The following ARHGAP15 variants were observed in gnomAD, a reference collection of about 807,000 sequenced individuals.
The protein encoded by ARHGAP15 is rho GTPase-activating protein 15.
ARHGAP15 carries 51 observed loss-of-function variants against 63.7 expected under a neutral mutation model. The ratio of observed to expected loss-of-function variants is 0.80; its 90% CI spans 0.64 to 1.01. The LOEUF is 1.01. Ranked by LOEUF, ARHGAP15 falls within the 50% of genes least tolerant of loss-of-function variation. The probability of loss-of-function intolerance (pLI) is 0.00; values close to 1 mark genes in which losing one functional copy is unlikely to be tolerated. For missense variants in ARHGAP15, 560 were observed against 564.6 expected, an observed-to-expected ratio of 0.99 and a Z score of 0.08; for synonymous variants, 191 against 193.8, an observed-to-expected ratio of 0.99 and a Z score of 0.12.
chr2:143,291,152 T>A (rs1184071124), intron 6 of ARHGAP15, among the ~76,000 whole-genome samples: 2 of 152,118 alleles, frequency 1.3e-5, no homozygotes, highest in African/African-American at 4.8e-5. Flanking sequence ...AAAGTCCAGG[T>A]GATTTAACCC....
chr2:143,384,652 C>G (rs1687196262), intron 6 of ARHGAP15, among the ~76,000 whole-genome samples: 1 of 151,886 alleles, frequency 6.6e-6, no homozygotes, highest in South Asian at 2.1e-4. Flanking sequence ...TTTGGATATT[C>G]AAAATAGCTG....
chr2:143,135,666 A>C (rs1006704311), intron 1 of ARHGAP15, among the ~76,000 whole-genome samples: 3 of 152,100 alleles, frequency 2.0e-5, no homozygotes, highest in Non-Finnish European at 4.4e-5. Context: ...ATTTGATGCT[A>C]TCGAACCCTC....
At chr2:143,520,917 G>A (rs1355602229) in intron 10 of ARHGAP15, among the ~76,000 whole-genome samples, 2 of 152,090 alleles carry the variant, frequency 1.3e-5, no homozygotes, top group Non-Finnish European at 2.9e-5. Flanking sequence ...TAGGCAAAAC[G>A]AAAAACTGCT....
At chr2:143,375,940 A>G (rs2381466) in intron 6 of ARHGAP15, among the ~76,000 whole-genome samples, 98,750 of 152,142 alleles carry the variant, frequency 0.65, 32,539 homozygotes, top group African/African-American at 0.75. Context: ...GAAAAAGTAG[A>G]AAATGACAAC....
chr2:143,208,983 A>T (rs1177375686), intron 3 of ARHGAP15, among the ~76,000 whole-genome samples: 1 of 152,158 alleles, frequency 6.6e-6, no homozygotes, highest in East Asian at 1.9e-4. Context: ...GGGGCAAAGC[A>T]GGCTTTTGCA....
intron 9 of ARHGAP15, among the ~76,000 whole-genome samples, chr2:143,492,351 A>G (rs555098654): frequency 1.3e-5 from 2 of 152,114 alleles, no homozygotes; most frequent in Non-Finnish European, 2.9e-5. Context: ...ATTTACAGCC[A>G]CCTTCTCCTC....
At chr2:143,519,831 G>A (rs975593484) in intron 10 of ARHGAP15, among the ~76,000 whole-genome samples, 2 of 152,128 alleles carry the variant, frequency 1.3e-5, no homozygotes, top group African/African-American at 4.8e-5. Flanking sequence ...ACGCTAACGG[G>A]TTTTTTCAGG....
intron 8 of ARHGAP15, among the ~76,000 whole-genome samples, chr2:143,453,689 A>G (rs1251627677): frequency 1.3e-5 from 2 of 151,920 alleles, no homozygotes; most frequent in African/African-American, 4.8e-5. Flanking sequence ...TTCCTGAACC[A>G]TGAGTCTGTT....
intron 5 of ARHGAP15, among the ~76,000 whole-genome samples, chr2:143,240,199 T>A (rs934948682): frequency 2.0e-4 from 30 of 151,068 alleles, no homozygotes; most frequent in Non-Finnish European, 3.1e-4. Flanking sequence ...CAAAATAAAA[T>A]AAAATAAAAT....
intron 13 of ARHGAP15, among the ~76,000 whole-genome samples, chr2:143,732,339 C>T (rs986231049): frequency 1.3e-5 from 2 of 152,150 alleles, no homozygotes; most frequent in East Asian, 1.9e-4. Context: ...GGAATACTAC[C>T]TTCATCCCTT....
chr2:143,692,658 C>A (rs1250995287), intron 12 of ARHGAP15, among the ~76,000 whole-genome samples: 2 of 152,102 alleles, frequency 1.3e-5, no homozygotes, highest in East Asian at 3.9e-4. Flanking sequence ...GAATATTAGG[C>A]CACCATTTTA....
chr2:143,566,804 CT>C (rs1460198669), intron 11 of ARHGAP15, among the ~76,000 whole-genome samples: 24 of 152,192 alleles, frequency 1.6e-4, no homozygotes, highest in Non-Finnish European at 2.9e-5. Context: ...TGAGACATGC[CT>C]TCACTGTACC....
intron 12 of ARHGAP15, among the ~76,000 whole-genome samples, chr2:143,696,825 T>C: frequency 6.6e-6 from 1 of 152,208 alleles, no homozygotes; most frequent in Non-Finnish European, 1.5e-5. Flanking sequence ...TGATCCTCCC[T>C]AGAGAAAGAA....
At chr2:143,536,620 G>A (rs1299984733) in intron 10 of ARHGAP15, among the ~76,000 whole-genome samples, 3 of 150,184 alleles carry the variant, frequency 2.0e-5, no homozygotes, top group South Asian at 2.1e-4. Context: ...GAGAACATGC[G>A]GTGTTTGGTT....
At chr2:143,564,850 GA>G (rs1313269364) in intron 11 of ARHGAP15, among the ~76,000 whole-genome samples, 1 of 152,052 alleles carries the variant, frequency 6.6e-6, no homozygotes, top group Non-Finnish European at 1.5e-5. Context: ...TGTGAGTTCT[GA>G]AATAAATGAA....
intron 13 of ARHGAP15, among the ~76,000 whole-genome samples, chr2:143,723,728 C>G (rs1432553455): frequency 1.3e-5 from 2 of 152,166 alleles, no homozygotes; most frequent in Admixed American, 6.5e-5. Context: ...AAGGGGGAGT[C>G]AGTTACAGCC....
At chr2:143,301,021 A>T (rs1432599111) in intron 6 of ARHGAP15, among the ~76,000 whole-genome samples, 1 of 151,886 alleles carries the variant, frequency 6.6e-6, no homozygotes, top group Non-Finnish European at 1.5e-5. Context: ...CATGAACTCT[A>T]AGACAATGCC....
intron 1 of ARHGAP15, among the ~76,000 whole-genome samples, chr2:143,143,572 T>A (rs890941902): frequency 6.6e-6 from 1 of 150,924 alleles, no homozygotes; most frequent in Non-Finnish European, 1.5e-5. Flanking sequence ...TCTTTCTTTT[T>A]TTTTTTTTTG....
intron 6 of ARHGAP15, among the ~76,000 whole-genome samples, chr2:143,390,724 AACACATGC>A (rs1192673284): frequency 3.9e-5 from 3 of 76,952 alleles, no homozygotes; most frequent in South Asian, 6.5e-4. Context: ...ACCCTTGGAA[AACACATGC>A]ACACACACAC....
Sources: gnomAD v4.1 joint callset for allele counts (sites outside exome capture counted in the v4.1 genomes callset) on GRCh38, gnomAD v4.1.1 for gene constraint, MANE v1.5 for transcripts, NCBI Gene and HGNC (gene_info 2026-07-23, HGNC 2026-07-21) for gene names.